The following ARHGEF37 variants were observed in gnomAD, a reference collection of about 807,000 sequenced individuals.
ARHGEF37 encodes the protein Rho guanine nucleotide exchange factor (GEF) 37.
Under a neutral mutation model 71.1 loss-of-function variants are expected in ARHGEF37, and 55 were observed. That is an observed-to-expected ratio of 0.77 (90% CI 0.62 to 0.97). The LOEUF is 0.97. Among genes scored for constraint, ARHGEF37 ranks in the 50% least tolerant of loss-of-function variants. The pLI, the probability that ARHGEF37 is intolerant of heterozygous loss-of-function variation, is 0.00. For synonymous variants in ARHGEF37, 327 were observed against 350.6 expected, an observed-to-expected ratio of 0.93 and a Z score of 0.75; for missense variants, 765 against 836.8, an observed-to-expected ratio of 0.91 and a Z score of 1.06.
At chr5:149,627,632 C>T (rs568039117) in intron 11 of ARHGEF37, among the ~76,000 whole-genome samples, 26 of 152,140 alleles carry the variant, frequency 1.7e-4, no homozygotes, top group Non-Finnish European at 2.6e-4. Flanking sequence ...GAGATGGGCA[C>T]GGAGATAGAA....
At chr5:149,580,722 TAATAATA>T (rs1763089738), upstream of ARHGEF37, among the ~76,000 whole-genome samples, 1 of 152,090 alleles carries the variant, frequency 6.6e-6, no homozygotes, top group Admixed American at 6.6e-5. Flanking sequence ...CTACCAGCAG[TAATAATA>T]AATAATAAGC....
chr5:149,608,988 C>T lies in ARHGEF37; in HGVS notation c.311-560C>T, dbSNP rs1763995057. On this transcript the variant is annotated intron_variant, in intron 3 of 12. Coordinates refer to ENST00000333677, the MANE Select transcript of ARHGEF37 (RefSeq NM_001001669.3). ...TCACCTGAGGTCAGGAATTCAAGAC[C>T]AGCCTGGCCAACATGGTGAAACCCC... Among the ~76,000 whole-genome samples the T allele has an allele frequency of 2.0e-5, 3 of 152,070 alleles. No individual in the cohort carries two copies. In the South Asian group the frequency reaches 6.2e-4, roughly 32 times the overall value.
In ARHGEF37 at chr5:149,628,929, G is replaced by A. The variant is rs1053870734; in HGVS notation, c.1781G>A (p.Ser594Asn). ...CCCCGATGTCTAACACCGGAGCCCAGCCCAGCTCTAGTGCCCTCTATTCCC... is the reference window on the plus strand; with the variant it reads ...CCCCGATGTCTAACACCGGAGCCCAACCCAGCTCTAGTGCCCTCTATTCCC... ...KDPRCLTPEPSPALVPSIPTM... is the reference protein window; with the variant it reads ...KDPRCLTPEPNPALVPSIPTM... Residue 594 changes from serine to asparagine, a missense_variant, in exon 12 of 13, where the codon AGC (serine) becomes AAC (asparagine). Around this residue, in one of 5 missense-constraint regions of ARHGEF37, gnomAD observed 390 missense variants for 407.4 expected, o/e 0.96. Coordinates refer to ENST00000333677, the MANE Select transcript of ARHGEF37 (RefSeq NM_001001669.3). The A allele has an allele frequency of 6.2e-7, 1 of 1,613,052 alleles. No individual in the cohort carries two copies. The highest frequency in any genetic ancestry group is 1.1e-5 in the South Asian group (1 of 91,024).
intron 1 of ARHGEF37, among the ~76,000 whole-genome samples, chr5:149,584,423 T>G (rs1763179662): frequency 6.6e-6 from 1 of 152,204 alleles, no homozygotes; most frequent in Non-Finnish European, 1.5e-5. Flanking sequence ...TGTTGCTGTC[T>G]TTCCGCCTCA....
chr5:149,616,467 T>TCA, intron 4 of ARHGEF37, 100 bp from the exon 5 acceptor site: 1 of 1,178,020 alleles, frequency 8.5e-7, no homozygotes, highest in East Asian at 2.4e-5. Context: ...TTGCCTGAGA[T>TCA]CACACAGTGA....
intron 1 of ARHGEF37, among the ~76,000 whole-genome samples, chr5:149,583,764 ATTTG>A (rs954022467): frequency 3.9e-5 from 6 of 152,128 alleles, no homozygotes; most frequent in South Asian, 4.2e-4. Flanking sequence ...GAATTTGTTT[ATTTG>A]TTTGTTTATT....
intron 8 of ARHGEF37, among the ~76,000 whole-genome samples, chr5:149,621,455 A>C (rs77584784): frequency 1.3e-5 from 2 of 152,010 alleles, no homozygotes; most frequent in African/African-American, 4.8e-5. Flanking sequence ...AAAACAAAAA[A>C]CTTTTTCAAG....
At chr5:149,596,616 T>C (rs1286958910) in intron 1 of ARHGEF37, among the ~76,000 whole-genome samples, 1 of 152,164 alleles carries the variant, frequency 6.6e-6, no homozygotes, top group Non-Finnish European at 1.5e-5. Flanking sequence ...CTTGATACTT[T>C]ATAAGTTAGA....
chr5:149,606,493 C>G (rs1317035149), intron 3 of ARHGEF37: 1 of 152,284 alleles, frequency 6.6e-6, no homozygotes, highest in Non-Finnish European at 1.5e-5. Context: ...ATGGCTTTGG[C>G]AGGCAGTAGG....
intron 1 of ARHGEF37, among the ~76,000 whole-genome samples, chr5:149,590,987 T>G (rs1485327920): frequency 6.6e-6 from 1 of 152,226 alleles, no homozygotes; most frequent in Non-Finnish European, 1.5e-5. Context: ...TTTCCTGGTT[T>G]TGATGTTGTG....
At chr5:149,614,960 C>G (rs1229444583) in intron 4 of ARHGEF37, among the ~76,000 whole-genome samples, 1 of 152,126 alleles carries the variant, frequency 6.6e-6, no homozygotes, top group Non-Finnish European at 1.5e-5. Context: ...ACCTTTGTGG[C>G]TTTCTCCAAT....
intron 1 of ARHGEF37, among the ~76,000 whole-genome samples, chr5:149,554,885 C>G (rs1410681558): frequency 6.6e-6 from 1 of 152,050 alleles, no homozygotes; most frequent in African/African-American, 2.4e-5. Context: ...GTAATCCCAG[C>G]ACTTTGGGAG....
Position 149,623,718 on chromosome 5 carries a change from A to C in ARHGEF37, c.1336-294A>C, listed in dbSNP as rs377392764. Among the ~76,000 whole-genome samples the C allele has an allele frequency of 3.7e-4, 57 of 152,294 alleles. 1 individual carries two copies. The highest frequency in any genetic ancestry group is 2.3e-3 in the Admixed American group (35 of 15,302). The stretch of plus-strand genomic sequence containing the variant: ...TGGCCTGTCCCTGTGGAGCCTGGAA[A>C]AGGCTGCAGGCAGAAACCTCAATCT... On this transcript the variant is annotated intron_variant, in intron 9 of 12. Transcript: ENST00000333677.
chr5:149,582,584 A>G (rs541642801), intron 1 of ARHGEF37, among the ~76,000 whole-genome samples: 1 of 152,352 alleles, frequency 6.6e-6, no homozygotes, highest in East Asian at 1.9e-4. Context: ...AAAAGTGCTG[A>G]CGATTATAGG....
At chr5:149,588,729 G>T (rs1531234) in intron 1 of ARHGEF37, among the ~76,000 whole-genome samples, 80,386 of 151,846 alleles carry the variant, frequency 0.53, 21,859 homozygotes, top group Admixed American at 0.64. Context: ...ATGTTTAAAT[G>T]GGCTCCTCCT....
chr5:149,558,636 G>A (rs1346607292), intron 1 of ARHGEF37, among the ~76,000 whole-genome samples: 1 of 151,794 alleles, frequency 6.6e-6, no homozygotes, highest in African/African-American at 2.4e-5. Context: ...GATTACAGGC[G>A]TGAGCCACTG....
chr5:149,616,283 G>A (rs955977581), intron 4 of ARHGEF37, among the ~76,000 whole-genome samples: 31 of 152,194 alleles, frequency 2.0e-4, no homozygotes, highest in African/African-American at 7.0e-4. Flanking sequence ...TCAAGAGCAA[G>A]GGTGTAGTCA....
rs1762910221 is a variant in ARHGEF37, at chr5:149,567,396, CA to C, written c.-12+15276del. On this transcript the variant is annotated intron_variant, in intron 1 of 2. Transcript: ENST00000505810. The stretch of plus-strand genomic sequence containing the variant: ...TGGTGTCCACAAAGTTATTCCACTT[CA>C]AAGTTACCATTTCCCCTTTGTTTGT... 2.0e-5 allele frequency among the ~76,000 whole-genome samples: 3 copies of C among 152,280 alleles called. No homozygotes were observed. In the South Asian group the frequency reaches 6.2e-4, roughly 32 times the overall value.
chr5:149,595,638 C>A (rs1763523555), intron 1 of ARHGEF37, among the ~76,000 whole-genome samples: 1 of 152,160 alleles, frequency 6.6e-6, no homozygotes, highest in South Asian at 2.1e-4. Context: ...TACTCACTCA[C>A]AGGGGCATTC....
Sources: allele counts gnomAD v4.1 joint callset (sites outside exome capture counted in the v4.1 genomes callset), GRCh38; gene constraint gnomAD v4.1.1; regional missense constraint gnomAD v4.1.1; transcripts MANE v1.5; gene names NCBI Gene and HGNC (gene_info 2026-07-23, HGNC 2026-07-21).